Variants in RIPK1 observed in about 807,000 individuals in gnomAD.
RIPK1 encodes the protein receptor-interacting serine/threonine-protein kinase 1.
RIPK1 carries 27 observed loss-of-function variants against 62.4 expected under a neutral mutation model. The observed-to-expected ratio is 0.43, with a 90% CI of 0.32 to 0.60. The LOEUF (loss-of-function observed/expected upper bound fraction) is 0.60, where lower values mean the gene tolerates loss of function less well. Ranked by LOEUF, RIPK1 falls within the 20% of genes least tolerant of loss-of-function variation. The pLI is 0.07. For missense variants in RIPK1, 735 were observed against 831.0 expected, an observed-to-expected ratio of 0.88 and a Z score of 1.42; for synonymous variants, 287 against 303.2, an observed-to-expected ratio of 0.95 and a Z score of 0.55.
At chr6:3,108,586 G>A (rs1319136036) in intron 9 of RIPK1, among the ~76,000 whole-genome samples, 2 of 152,144 alleles carry the variant, frequency 1.3e-5, no homozygotes, top group Non-Finnish European at 2.9e-5. Context: ...ACAGGGTAAG[G>A]CAGCTTACCA....
chr6:3,066,124 A>G (rs971441007), upstream of RIPK1, among the ~76,000 whole-genome samples: 1 of 152,180 alleles, frequency 6.6e-6, no homozygotes, highest in East Asian at 1.9e-4. Context: ...TCTGGGTTCA[A>G]GCAATTCTCC....
intron 8 of RIPK1, 135 bp downstream of exon 8, chr6:3,104,450 TATA>T (rs1760733451): frequency 1.7e-6 from 1 of 576,356 alleles, no homozygotes; most frequent in East Asian, 2.8e-5. Context: ...TACAGGAATT[TATA>T]ATAATATTCG....
rs9378355 is a variant in RIPK1, at chr6:3,081,151, G to A, written c.459+35G>A. On this transcript the variant is annotated intron_variant, in intron 4 of 10. Coordinates refer to ENST00000259808, the MANE Select transcript of RIPK1 (RefSeq NM_001354930.2). ...CATCGGTAGGCTTCCAGAAAGTTGG[G>A]TGATTTTAGTTTTAATTCTCCAATG... 19 of 1,605,540 alleles carry A rather than the reference G, an allele frequency of 1.2e-5. No homozygotes were observed. In the East Asian group the frequency reaches 3.8e-4, roughly 32 times the overall value.
intron 7 of RIPK1, among the ~76,000 whole-genome samples, chr6:3,095,070 GA>G (rs1003138491): frequency 6.6e-6 from 1 of 150,938 alleles, no homozygotes; most frequent in East Asian, 1.9e-4. Flanking sequence ...AGAAAAAAAA[GA>G]AAAAAAAGAC....
In RIPK1 at chr6:3,113,428, T is replaced by A; in HGVS notation, c.*89T>A. 1 of 1,260,056 alleles carries A rather than the reference T, an allele frequency of 7.9e-7. No individual in the cohort carries two copies. The highest frequency in any genetic ancestry group is 1.5e-5 in the South Asian group (1 of 68,010). 78.1% of individuals were successfully genotyped at this position (1,260,056 alleles called of 1,614,324 possible). On this transcript the variant is annotated 3_prime_UTR_variant, in exon 11 of 11. Coordinates refer to ENST00000259808, the MANE Select transcript of RIPK1 (RefSeq NM_001354930.2). The surrounding 1 kb of genome is among the most constrained non-coding windows in gnomAD (Gnocchi z 5.0). ...CTGCCTCAGAGCATTCAGAATTCTG[T>A]CCTCACTGATAGGGGTTCTGTGTCT...
At chr6:3,104,705 G>C (rs1448418078) in intron 8 of RIPK1, among the ~76,000 whole-genome samples, 2 of 152,176 alleles carry the variant, frequency 1.3e-5, no homozygotes, top group African/African-American at 4.8e-5. Flanking sequence ...AGGGATGGCA[G>C]AGTATAGGAT....
intron 7 of RIPK1, among the ~76,000 whole-genome samples, chr6:3,100,389 A>G (rs1401844772): frequency 2.6e-5 from 4 of 151,872 alleles, no homozygotes; most frequent in African/African-American, 9.7e-5. Flanking sequence ...GTGCCACTAC[A>G]CTCCATCCTG....
Position 3,089,649 on chromosome 6 carries a change from A to G in RIPK1, c.907A>G (p.Ser303Gly). The stretch of plus-strand genomic sequence containing the variant: ...AGAAAGTGTAGAAGAGGACGTGAAG[A>G]GTTTAAAGGTAGGCAATATAGCAGA... Reference protein sequence around the residue: ...LEESVEEDVKSLKKEYSNENA... With the variant: ...LEESVEEDVKGLKKEYSNENA... Residue 303 changes from serine to glycine, a missense_variant, in exon 7 of 11, where the codon AGT (serine) becomes GGT (glycine). Ser to Gly is a moderately conservative substitution (Grantham distance 56). This residue lies in a region of RIPK1 where 671 missense variants were observed against 726.2 expected (regional missense o/e 0.92). Transcript: ENST00000259808. 2 of 1,566,838 alleles carry G rather than the reference A, an allele frequency of 1.3e-6. No individual in the cohort carries two copies. Among genetic ancestry groups the G allele is most frequent in the Non-Finnish European group, 1.7e-6 (2 of 1,143,636 alleles).
At chr6:3,086,925 T>C (rs1759724768) in intron 6 of RIPK1, among the ~76,000 whole-genome samples, 1 of 152,200 alleles carries the variant, frequency 6.6e-6, no homozygotes, top group Non-Finnish European at 1.5e-5. Flanking sequence ...GTTGCCTAGT[T>C]TTCTGACCCC....
rs1561748478 is a variant in RIPK1 at position 3,076,880 on chromosome 6, G to C, written c.57G>C (p.Glu19Asp). 17 of 1,611,344 alleles carry C rather than the reference G, an allele frequency of 1.1e-5. No individual in the cohort carries two copies. The highest frequency in any genetic ancestry group is 1.4e-5 in the Non-Finnish European group (17 of 1,177,898). The part of the protein sequence containing the change: ...VIKMKSSDFL[E>D]SAELDSGGFG... ...AGATGAAATCCAGTGACTTCCTGGA[G>C]AGTGCAGAACTGGACAGCGGAGGCT... Residue 19 changes from glutamate (E) to aspartate (D), a missense_variant, in exon 2 of 11, where the codon GAG (glutamate) becomes GAC (aspartate). Glu to Asp is a conservative substitution (Grantham distance 45). Transcript: ENST00000259808.
chr6:3,110,611 T>C (rs1242561569), intron 9 of RIPK1, among the ~76,000 whole-genome samples, 192 bp from the exon 10 acceptor site: 2 of 152,038 alleles, frequency 1.3e-5, no homozygotes, highest in African/African-American at 4.8e-5. Flanking sequence ...TTATTTCTTT[T>C]TTTTTTTTTA....
chr6:3,079,415 T>C (rs1234107931), intron 3 of RIPK1, among the ~76,000 whole-genome samples: 2 of 151,856 alleles, frequency 1.3e-5, no homozygotes, highest in African/African-American at 4.8e-5. Flanking sequence ...GCTGAGGGAG[T>C]ACACATGAGA....
chr6:3,100,149 C>T (rs747730343), intron 7 of RIPK1, among the ~76,000 whole-genome samples: 14 of 152,258 alleles, frequency 9.2e-5, no homozygotes, highest in Admixed American at 2.6e-4. Context: ...TGGCCTGGTG[C>T]AGTGGCTCAT....
At chr6:3,069,808 C>A (rs938076410) in intron 1 of RIPK1, among the ~76,000 whole-genome samples, 1 of 152,076 alleles carries the variant, frequency 6.6e-6, no homozygotes, top group Non-Finnish European at 1.5e-5. Flanking sequence ...GTCAGGAGTT[C>A]GAGACCAGCC....
chr6:3,079,528 A>G (rs1759268523), intron 3 of RIPK1, among the ~76,000 whole-genome samples: 1 of 152,224 alleles, frequency 6.6e-6, no homozygotes, highest in Non-Finnish European at 1.5e-5. Context: ...AGGCAGAGAG[A>G]ATACCATGTA....
In RIPK1 at chr6:3,110,812, T is replaced by C. The variant is rs756806916; in HGVS notation, c.1586T>C (p.Ile529Thr). The C allele has an allele frequency of 3.2e-6, 5 of 1,572,844 alleles. No individual in the cohort carries two copies. Among genetic ancestry groups the C allele is most frequent in the Non-Finnish European group, 4.4e-6 (5 of 1,147,972 alleles). Residue 529 changes from isoleucine to threonine, a missense_variant, in exon 10 of 11, where the codon ATA becomes ACA. Transcript: ENST00000259808. ...GTTTCTCTCTATGCAGATGAATCTATAAAATATACCATATACAATAGTACT... is the reference window on the plus strand; with the variant it reads ...GTTTCTCTCTATGCAGATGAATCTACAAAATATACCATATACAATAGTACT... ...FSSLPPTDES[I>T]KYTIYNSTGI... is the part of the protein sequence containing the mutation.
chr6:3,083,445 G>A, intron 5 of RIPK1, 132 bp downstream of exon 5: 1 of 710,064 alleles, frequency 1.4e-6, no homozygotes, highest in Non-Finnish European at 2.3e-6. Flanking sequence ...ATCATAGGAT[G>A]AATAGGAACC....
At chr6:3,100,684 G>A (rs1413023097) in intron 7 of RIPK1, among the ~76,000 whole-genome samples, 4 of 151,684 alleles carry the variant, frequency 2.6e-5, no homozygotes, top group Non-Finnish European at 5.9e-5. Flanking sequence ...TCCACCTCCC[G>A]GGTTCAAGTG....
intron 3 of RIPK1, among the ~76,000 whole-genome samples, chr6:3,079,211 C>T (rs1049661008): frequency 1.3e-5 from 2 of 152,176 alleles, no homozygotes; most frequent in East Asian, 1.9e-4. Flanking sequence ...TCTTGAGTAG[C>T]TGGGATTACA....
Sources: gnomAD v4.1 joint callset for allele counts (sites outside exome capture counted in the v4.1 genomes callset) on GRCh38, gnomAD v4.1.1 for gene constraint, gnomAD v4.1.1 regional missense constraint, Gnocchi (gnomAD v3.1) non-coding constraint, MANE v1.5 for transcripts, NCBI Gene and HGNC (gene_info 2026-07-23, HGNC 2026-07-21) for gene names.